Variants in ATF2 observed in about 807,000 individuals in gnomAD.
The protein encoded by ATF2 is cyclic AMP-dependent transcription factor ATF-2.
In ATF2, 24 loss-of-function variants were observed where a neutral mutation model predicts 60.6. The ratio of observed to expected loss-of-function variants is 0.40; its 90% CI spans 0.29 to 0.56. The LOEUF (loss-of-function observed/expected upper bound fraction) is 0.56. Among genes scored for constraint, ATF2 ranks in the 20% least tolerant of loss-of-function variants. The pLI is 0.54. For synonymous variants in ATF2, 206 were observed against 215.4 expected (o/e 0.96, Z 0.38); for missense variants, 433 against 607.7 (o/e 0.71, Z 3.02).
At chr2:175,131,525 A>G (rs541262872) in intron 3 of ATF2, among the ~76,000 whole-genome samples, 34 of 152,198 alleles carry the variant, frequency 2.2e-4, no homozygotes, top group Middle Eastern at 6.8e-3. Context: ...CCCTGTACAA[A>G]TTTTTGACCT....
intron 4 of ATF2, among the ~76,000 whole-genome samples, chr2:175,124,497 T>C (rs1697186175): frequency 6.6e-6 from 1 of 151,962 alleles, no homozygotes; most frequent in Non-Finnish European, 1.5e-5. Flanking sequence ...CTATAGTTAA[T>C]ACATACACTC....
chr2:175,109,377 A>C (rs1559074695), intron 10 of ATF2, among the ~76,000 whole-genome samples: 1 of 152,208 alleles, frequency 6.6e-6, no homozygotes, highest in African/African-American at 2.4e-5. Flanking sequence ...TGAGCTGGAC[A>C]TAAGAGTATA....
At chr2:175,077,198 T>C (rs1286519629) in intron 13 of ATF2, among the ~76,000 whole-genome samples, 1 of 152,116 alleles carries the variant, frequency 6.6e-6, no homozygotes, top group Non-Finnish European at 1.5e-5. Context: ...AGTCTATCAT[T>C]GTTGGACATT....
intron 10 of ATF2, among the ~76,000 whole-genome samples, chr2:175,108,072 G>C (rs1399376290): frequency 6.6e-6 from 1 of 150,886 alleles, no homozygotes; most frequent in Non-Finnish European, 1.5e-5. Flanking sequence ...TGCCCAGTCT[G>C]GGAAGTGAGG....
intron 2 of ATF2, among the ~76,000 whole-genome samples, chr2:175,148,391 G>A (rs553009035): frequency 6.7e-6 from 1 of 149,288 alleles, no homozygotes; most frequent in South Asian, 2.1e-4. Context: ...GAGACAGCAT[G>A]TTGAGGCACA....
At chr2:175,137,967 A>C (rs752443072) in intron 2 of ATF2, among the ~76,000 whole-genome samples, 6 of 152,196 alleles carry the variant, frequency 3.9e-5, no homozygotes, top group Non-Finnish European at 7.4e-5. Flanking sequence ...CTATAAATCC[A>C]GGCTTATCTC....
At position 175,074,651 on chromosome 2, in the gene ATF2, G is replaced by T. The variant is rs369362331; in HGVS notation, c.1476C>A (p.Ile492=). The change falls in exon 14 of 14, where the codon ATC becomes ATA. Residue 492 remains isoleucine (I), a synonymous_variant. Coordinates refer to ENST00000264110, the MANE Select transcript of ATF2 (RefSeq NM_001880.4). ...DQSTEPALSQ[I]VMAPSSQSQP... is the part of the protein sequence containing the mutation. ...GTGACTGGGAGGAAGGAGCCATAAC[G>T]ATCTGTGAAAGAGCAGGCTCTGTAC... 1.2e-6 allele frequency: 2 copies of T among 1,613,106 alleles called. No individual in the cohort carries two copies. The highest frequency in any genetic ancestry group is 1.1e-5 in the South Asian group (1 of 91,056).
chr2:175,132,315 C>A (rs1231356458), intron 3 of ATF2, among the ~76,000 whole-genome samples: 2 of 152,106 alleles, frequency 1.3e-5, no homozygotes, highest in African/African-American at 4.8e-5. Context: ...GCAGATGCTG[C>A]AGATTTTTTT....
intron 10 of ATF2, among the ~76,000 whole-genome samples, chr2:175,108,179 GCGA>G: frequency 6.7e-6 from 1 of 149,756 alleles, no homozygotes; most frequent in East Asian, 2.0e-4. Flanking sequence ...CTGCCCGGCC[GCGA>G]CCCCGTCTGG....
chr2:175,156,465 T>G (rs1404634901), intron 1 of ATF2, among the ~76,000 whole-genome samples: 1 of 139,954 alleles, frequency 7.1e-6, no homozygotes. Flanking sequence ...TCAAGAGACC[T>G]CAAGAGCTGA....
At chr2:175,084,723 T>C (rs547229756) in intron 12 of ATF2, among the ~76,000 whole-genome samples, 10 of 151,662 alleles carry the variant, frequency 6.6e-5, no homozygotes, top group South Asian at 2.1e-4. Context: ...CACAGCCACA[T>C]ACTTTTGTGT....
chr2:175,143,374 T>C (rs989214397), intron 2 of ATF2, among the ~76,000 whole-genome samples: 4 of 152,214 alleles, frequency 2.6e-5, no homozygotes, highest in Non-Finnish European at 5.9e-5. Context: ...AATAGTAATG[T>C]CATTAAATAG....
Position 175,114,571 on chromosome 2 carries a change from A to C in ATF2, c.626+119T>G, listed in dbSNP as rs1377721116. On this transcript the variant is annotated intron_variant, in intron 8 of 13. Coordinates refer to ENST00000264110, the MANE Select transcript of ATF2 (RefSeq NM_001880.4). ...CGCAAGTACTTTTTCCAAAATTCGAAGCATGCACACACATACAAAACTAAG... is the reference window on the plus strand; with the variant it reads ...CGCAAGTACTTTTTCCAAAATTCGACGCATGCACACACATACAAAACTAAG... 5.6e-6 allele frequency: 8 copies of C among 1,435,664 alleles called. No individual in the cohort carries two copies. The Admixed American group carries it at 2.0e-4, about 36-fold the overall frequency. 88.9% of individuals were successfully genotyped at this position (1,435,664 alleles called of 1,614,324 possible). A position where few individuals can be genotyped will look rare whatever the true frequency, so the allele number is the denominator to read the frequency against.
chr2:175,074,594 A>G lies in ATF2; in HGVS notation c.*15T>C. On this transcript the variant is annotated 3_prime_UTR_variant, in exon 14 of 14. Coordinates refer to ENST00000264110, the MANE Select transcript of ATF2 (RefSeq NM_001880.4). ...ACTAATGAGTATCTAAAACTGTTGT[A>G]CTGCAGGTTTTTAATCAACTTCCTG... 1 of 1,603,298 alleles carries G rather than the reference A, an allele frequency of 6.2e-7. No individual in the cohort carries two copies. Among genetic ancestry groups the G allele is most frequent in the East Asian group, 2.3e-5 (1 of 44,426 alleles).
At chr2:175,090,397 T>C (rs1273852376) in intron 12 of ATF2, among the ~76,000 whole-genome samples, 2 of 152,188 alleles carry the variant, frequency 1.3e-5, no homozygotes, top group African/African-American at 4.8e-5. Context: ...TATCCATTCA[T>C]CTTGGATGGA....
intron 2 of ATF2, among the ~76,000 whole-genome samples, chr2:175,149,817 ATCATCCATTTCCCAT>A (rs1559117063): frequency 6.6e-6 from 1 of 152,084 alleles, no homozygotes. Context: ...CCTCCCTTAT[ATCATCCATTTCCCAT>A]TCATCCATTC....
At chr2:175,091,100 T>C (rs368448292) in intron 12 of ATF2, among the ~76,000 whole-genome samples, 7 of 152,168 alleles carry the variant, frequency 4.6e-5, no homozygotes, top group African/African-American at 1.7e-4. Flanking sequence ...AACATATATG[T>C]ATGTACTACT....
chr2:175,154,251 A>ATATATAT (rs879448060), intron 1 of ATF2, among the ~76,000 whole-genome samples: 5 of 148,964 alleles, frequency 3.4e-5, no homozygotes, highest in Admixed American at 1.3e-4. Context: ...ATATATATAT[A>ATATATAT]TTTTTTACTT....
At chr2:175,142,720 A>AGAGAGT (rs1491359659) in intron 2 of ATF2, among the ~76,000 whole-genome samples, 100 of 71,180 alleles carry the variant, frequency 1.4e-3, no homozygotes, top group African/African-American at 4.0e-3. Context: ...AGAGAGAGAG[A>AGAGAGT]GTGTGTGTGT....
Sources: gnomAD v4.1 joint callset for allele counts (sites outside exome capture counted in the v4.1 genomes callset) on GRCh38, gnomAD v4.1.1 for gene constraint, MANE v1.5 for transcripts, NCBI Gene and HGNC (gene_info 2026-07-23, HGNC 2026-07-21) for gene names.